ACSM6: variants seen among roughly 807,000 people sequenced by gnomAD.
The protein encoded by ACSM6 is acyl-CoA synthetase medium chain family member 6.
In ACSM6, 35 loss-of-function variants were observed where a neutral mutation model predicts 51.1. The observed-to-expected ratio is 0.69, with a 90% confidence interval of 0.52 to 0.91. ACSM6 has a LOEUF of 0.91. ACSM6 is among the 40% of genes least tolerant of loss of function. The probability of loss-of-function intolerance (pLI) is 0.00; values close to 1 mark genes in which losing one functional copy is unlikely to be tolerated. For synonymous variants in ACSM6, 172 were observed against 207.3 expected, an observed-to-expected ratio of 0.83 and a Z score of 1.46; for missense variants, 509 against 584.1, an observed-to-expected ratio of 0.87 and a Z score of 1.32.
chr10:95,215,040 C>T, intron 8 of ACSM6, 65 bp downstream of exon 8: 2 of 1,531,398 alleles, frequency 1.3e-6, no homozygotes, highest in East Asian at 2.5e-5. Flanking sequence ...TGTAAGCACA[C>T]TGTCAAAGCA....
intron 3 of ACSM6, among the ~76,000 whole-genome samples, chr10:95,203,876 A>C (rs939532017): frequency 4.0e-5 from 6 of 151,796 alleles, no homozygotes; most frequent in East Asian, 1.9e-4. Flanking sequence ...AAAAAAAAAA[A>C]AAAAAACTGA....
chr10:95,201,777 C>A, intron 2 of ACSM6: 1 of 596,526 alleles, frequency 1.7e-6, no homozygotes, highest in Non-Finnish European at 3.0e-6. Context: ...AGGCTCATGC[C>A]TGACATTATG....
In ACSM6 at chr10:95,205,515, T is replaced by G. The variant is rs149826830; in HGVS notation, c.404-1693T>G. ...ATTCATGAGACCTCCACTCATGATC[T>G]GATCACCTTTCAAAGATCTCACCTC... is the stretch of plus-strand genomic sequence containing the variant. On this transcript the variant is annotated intron_variant, in intron 3 of 10. Transcript: ENST00000341686. 4.1e-3 allele frequency among the ~76,000 whole-genome samples: 630 copies of G among 152,306 alleles called. 4 individuals carry two copies. The highest frequency in any genetic ancestry group is 7.4e-3 in the Non-Finnish European group (506 of 68,026).
chr10:95,204,141 A>ATACC (rs1241095400), intron 3 of ACSM6, among the ~76,000 whole-genome samples: 2 of 152,230 alleles, frequency 1.3e-5, no homozygotes, highest in African/African-American at 4.8e-5. Context: ...CCTTAGCCAC[A>ATACC]TACCAGTCCA....
intron 3 of ACSM6, among the ~76,000 whole-genome samples, chr10:95,206,492 G>C (rs1258098765): frequency 6.6e-6 from 1 of 152,196 alleles, no homozygotes; most frequent in Non-Finnish European, 1.5e-5. Flanking sequence ...GTGAGAAACA[G>C]AAGATGAAGG....
chr10:95,222,878 G>A (rs2035006833), intron 9 of ACSM6, among the ~76,000 whole-genome samples: 1 of 142,756 alleles, frequency 7.0e-6, no homozygotes, highest in Non-Finnish European at 1.5e-5. Context: ...AAGAGGGTGG[G>A]AGGAAACTTT....
At chr10:95,202,317 G>C (rs1304814831) in intron 3 of ACSM6, 122 bp downstream of exon 3, 7 of 915,768 alleles carry the variant, frequency 7.6e-6, no homozygotes, top group Non-Finnish European at 1.2e-5. Flanking sequence ...CCACAGTGTG[G>C]GGGATCTTTA....
At position 95,205,638 on chromosome 10, in the gene ACSM6, T is replaced by C. The variant is rs184443022; in HGVS notation, c.404-1570T>C. 1.5e-4 allele frequency among the ~76,000 whole-genome samples: 23 copies of C among 152,260 alleles called. No homozygotes were observed. The East Asian group carries it at 3.9e-3, about 26-fold the overall frequency. ...GACAAATGCCAAAATCGAAAACATA[T>C]TTGCAACACTTATGAAAGATAAGTG... On this transcript the variant is annotated intron_variant, in intron 3 of 10. Transcript: ENST00000341686.
At chr10:95,227,575 T>C (rs2035050621) in intron 10 of ACSM6, among the ~76,000 whole-genome samples, 2 of 152,248 alleles carry the variant, frequency 1.3e-5, no homozygotes, top group African/African-American at 4.8e-5. Flanking sequence ...TTTAAAATCA[T>C]GTTCTCACCC....
At chr10:95,201,757 G>C (rs1459400506) in intron 2 of ACSM6, 1 of 581,860 alleles carries the variant, frequency 1.7e-6, no homozygotes, top group African/African-American at 1.9e-5. Flanking sequence ...CTCTCAGGAG[G>C]TTCTTCCCTA....
intron 4 of ACSM6, among the ~76,000 whole-genome samples, chr10:95,208,933 T>TAAAAAAAAAAAAAAAAAA (rs34370150): frequency 5.9e-5 from 2 of 33,918 alleles, no homozygotes; most frequent in Admixed American, 5.5e-4. Context: ...CAGGGATGTT[T>TAAAAAAAAAAAAAAAAAA]AAAAAAAAAA....
chr10:95,203,771 AC>A (rs2034816181), intron 3 of ACSM6, among the ~76,000 whole-genome samples: 1 of 151,902 alleles, frequency 6.6e-6, no homozygotes, highest in South Asian at 2.1e-4. Context: ...CGTATGAAAA[AC>A]AAAGTACCCC....
chr10:95,213,453 A>G (rs2034914837), intron 7 of ACSM6, among the ~76,000 whole-genome samples: 1 of 152,140 alleles, frequency 6.6e-6, no homozygotes, highest in African/African-American at 2.4e-5. Flanking sequence ...ACATATTATG[A>G]TATTGGGGTG....
intron 5 of ACSM6, 109 bp from the exon 6 acceptor site, chr10:95,211,769 G>C (rs2034895472): frequency 7.5e-6 from 9 of 1,196,492 alleles, no homozygotes; most frequent in Non-Finnish European, 1.0e-5. Context: ...GTTTTCATTT[G>C]TGTGATCTTT....
In ACSM6 at chr10:95,222,547, C is replaced by T. The variant is rs552354159; in HGVS notation, c.1200+2576C>T. On this transcript the variant is annotated intron_variant, in intron 9 of 10. Coordinates refer to ENST00000341686, the Ensembl canonical transcript of ACSM6. ...CTGAGGCAGGAGAATCACTTGAACG[C>T]GGGAGGTGCAGGTTGTAGTGAGCAG... is the stretch of plus-strand genomic sequence containing the variant. Among the ~76,000 whole-genome samples, 13 of 150,544 alleles carry T rather than the reference C, an allele frequency of 8.6e-5. No individual in the cohort carries two copies. In the South Asian group the frequency reaches 1.3e-3, roughly 15 times the overall value.
chr10:95,204,912 C>T (rs1227435937), intron 3 of ACSM6, among the ~76,000 whole-genome samples: 1 of 152,106 alleles, frequency 6.6e-6, no homozygotes, highest in African/African-American at 2.4e-5. Context: ...ATCTGTGTGG[C>T]CAACTTGGAG....
At chr10:95,198,411 G>A (rs2034757110) in intron 2 of ACSM6, among the ~76,000 whole-genome samples, 2 of 152,182 alleles carry the variant, frequency 1.3e-5, no homozygotes, top group South Asian at 4.1e-4. Flanking sequence ...AGCACTTTGG[G>A]AGGCCGAGGC....
At position 95,216,965 on chromosome 10, in the gene ACSM6, G is replaced by A. The variant is rs138762931; in HGVS notation, c.1119+1990G>A. Among the ~76,000 whole-genome samples, 87 of 152,348 alleles carry A rather than the reference G, an allele frequency of 5.7e-4. No homozygotes were observed. The East Asian group carries it at 0.016, about 27-fold the overall frequency. On this transcript the variant is annotated intron_variant, in intron 8 of 10. Transcript: ENST00000341686. ...AAGCTTATATGATGGAAACACCACA[G>A]ATAAGAATGTAGAGCTGGTACCTTA...
At chr10:95,201,141 C>T (rs574000990) in intron 2 of ACSM6, among the ~76,000 whole-genome samples, 1 of 152,308 alleles carries the variant, frequency 6.6e-6, no homozygotes, top group South Asian at 2.1e-4. Flanking sequence ...GCACTCTTCT[C>T]TACTTACAGG....
Sources: gnomAD v4.1 joint callset for allele counts (sites outside exome capture counted in the v4.1 genomes callset) on GRCh38, gnomAD v4.1.1 for gene constraint, MANE v1.5 for transcripts, NCBI Gene and HGNC (gene_info 2026-07-23, HGNC 2026-07-21) for gene names.